The following ZNF385D variants were observed in gnomAD, a reference collection of about 807,000 sequenced individuals.
The protein encoded by ZNF385D is zinc finger protein 385D, also known as zinc finger protein 659.
ZNF385D carries 15 observed loss-of-function variants against 35.8 expected under a neutral mutation model. That is an observed-to-expected ratio of 0.42 (90% CI 0.28 to 0.64). The LOEUF (loss-of-function observed/expected upper bound fraction) is 0.64. Ranked by LOEUF, ZNF385D falls within the 30% of genes least tolerant of loss-of-function variation. The pLI is 0.23. For missense variants in ZNF385D, 474 were observed against 494.6 expected (o/e 0.96, Z 0.39); for synonymous variants, 212 against 186.8 (o/e 1.13, Z -1.10).
intron 2 of ZNF385D, among the ~76,000 whole-genome samples, chr3:22,359,832 TATC>T (rs1408301985): frequency 2.6e-5 from 4 of 151,970 alleles, no homozygotes. Context: ...GAATTTATAA[TATC>T]ATTTATATTT....
chr3:22,070,146 A>T (rs1405413106), intron 3 of ZNF385D, among the ~76,000 whole-genome samples: 1 of 152,170 alleles, frequency 6.6e-6, no homozygotes, highest in Admixed American at 6.5e-5. Context: ...AGAACTTTAA[A>T]GATAAGCATC....
chr3:22,357,949 A>G (rs1342443356), intron 2 of ZNF385D, among the ~76,000 whole-genome samples: 1 of 151,896 alleles, frequency 6.6e-6, no homozygotes, highest in Non-Finnish European at 1.5e-5. Flanking sequence ...CATTACAAGC[A>G]TTCGATATGC....
chr3:22,240,283 G>A (rs1013973724), intron 2 of ZNF385D, among the ~76,000 whole-genome samples: 1 of 150,168 alleles, frequency 6.7e-6, no homozygotes, highest in Non-Finnish European at 1.5e-5. Flanking sequence ...TACCTGCTGT[G>A]CTTTTACTTT....
At chr3:21,700,192 G>A (rs1358232283) in intron 1 of ZNF385D, among the ~76,000 whole-genome samples, 1 of 152,036 alleles carries the variant, frequency 6.6e-6, no homozygotes, top group Non-Finnish European at 1.5e-5. Context: ...GGGCCAGGTT[G>A]TGGGGGTAAA....
At chr3:21,673,044 G>T (rs566489305) in intron 1 of ZNF385D, among the ~76,000 whole-genome samples, 50 of 152,204 alleles carry the variant, frequency 3.3e-4, no homozygotes, top group African/African-American at 1.1e-3. Flanking sequence ...GAAATCAAAA[G>T]ATTTTGCCTG....
At chr3:22,346,205 C>A (rs770791380) in intron 2 of ZNF385D, among the ~76,000 whole-genome samples, 3 of 152,170 alleles carry the variant, frequency 2.0e-5, no homozygotes, top group African/African-American at 2.4e-5. Context: ...ATAAGCCAGG[C>A]TCCATAAATT....
At chr3:21,836,963 T>C (rs1695366836) in intron 3 of ZNF385D, among the ~76,000 whole-genome samples, 1 of 152,054 alleles carries the variant, frequency 6.6e-6, no homozygotes, top group Non-Finnish European at 1.5e-5. Context: ...TATGTCACAA[T>C]ATGAGAAATT....
chr3:22,073,494 AT>A, intron 3 of ZNF385D, among the ~76,000 whole-genome samples: 2 of 152,096 alleles, frequency 1.3e-5, no homozygotes, highest in South Asian at 4.1e-4. Flanking sequence ...TAATTGCTTT[AT>A]TTTTAAAAAG....
intron 3 of ZNF385D, among the ~76,000 whole-genome samples, chr3:22,023,664 T>A: frequency 6.6e-6 from 1 of 152,126 alleles, no homozygotes; most frequent in Admixed American, 6.6e-5. Flanking sequence ...GCAATGCTTT[T>A]TTTTTTATCA....
intron 3 of ZNF385D, among the ~76,000 whole-genome samples, chr3:21,897,768 G>T (rs1169674591): frequency 1.3e-5 from 2 of 152,022 alleles, no homozygotes; most frequent in African/African-American, 2.4e-5. Context: ...TTTTGATTTA[G>T]GATTATATGC....
At chr3:21,893,077 A>C (rs1221890006) in intron 3 of ZNF385D, among the ~76,000 whole-genome samples, 1 of 152,174 alleles carries the variant, frequency 6.6e-6, no homozygotes. Flanking sequence ...ACTAGCCTGA[A>C]TGGTGGCTGT....
intron 3 of ZNF385D, among the ~76,000 whole-genome samples, chr3:22,084,830 A>C (rs895037538): frequency 3.9e-5 from 6 of 152,220 alleles, no homozygotes; most frequent in Non-Finnish European, 8.8e-5. Context: ...TTGGAAGTAA[A>C]GCACTCCTCA....
At chr3:21,466,779 C>A (rs1305798065) in intron 4 of ZNF385D, among the ~76,000 whole-genome samples, 1 of 152,178 alleles carries the variant, frequency 6.6e-6, no homozygotes, top group Non-Finnish European at 1.5e-5. Context: ...CTCCTCCCTG[C>A]CTGAGGTATC....
intron 2 of ZNF385D, among the ~76,000 whole-genome samples, chr3:22,352,879 G>C (rs1453053949): frequency 6.6e-6 from 1 of 152,096 alleles, no homozygotes; most frequent in Non-Finnish European, 1.5e-5. Flanking sequence ...AAGTTGTTAA[G>C]AGTCACTCAA....
At chr3:21,569,943 A>C (rs1329185592) in intron 2 of ZNF385D, among the ~76,000 whole-genome samples, 79 of 145,988 alleles carry the variant, frequency 5.4e-4, no homozygotes, top group South Asian at 1.3e-3. Flanking sequence ...GCATTAGGAG[A>C]TATACCTAAT....
At chr3:22,032,896 T>A (rs181568632) in intron 3 of ZNF385D, among the ~76,000 whole-genome samples, 1 of 152,160 alleles carries the variant, frequency 6.6e-6, no homozygotes, top group Non-Finnish European at 1.5e-5. Context: ...TTGAGAGTAC[T>A]GAGGCACAGA....
intron 1 of ZNF385D, among the ~76,000 whole-genome samples, chr3:21,674,914 G>A (rs1291307361): frequency 6.6e-6 from 1 of 150,606 alleles, no homozygotes; most frequent in Admixed American, 6.7e-5. Context: ...ATGGATGGAT[G>A]GATGGATGGA....
intron 1 of ZNF385D, among the ~76,000 whole-genome samples, chr3:21,727,281 A>T (rs114637906): frequency 0.028 from 4,208 of 152,310 alleles, 180 homozygotes; most frequent in African/African-American, 0.094. Context: ...TTTATGTCCA[A>T]AACACCAAAA....
At chr3:22,059,038 G>A (rs1295629364) in intron 3 of ZNF385D, among the ~76,000 whole-genome samples, 1 of 152,186 alleles carries the variant, frequency 6.6e-6, no homozygotes, top group Non-Finnish European at 1.5e-5. Context: ...AAAGGAAAAG[G>A]ACATTGGTAG....
Sources: gnomAD v4.1 joint callset for allele counts (sites outside exome capture counted in the v4.1 genomes callset) on GRCh38, gnomAD v4.1.1 for gene constraint, MANE v1.5 for transcripts, NCBI Gene and HGNC (gene_info 2026-07-23, HGNC 2026-07-21) for gene names.